ADAMTS3: variants seen among roughly 807,000 people sequenced by gnomAD.
The protein encoded by ADAMTS3 is ADAM metallopeptidase with thrombospondin type 1 motif 3.
Under a neutral mutation model 129.0 loss-of-function variants are expected in ADAMTS3, and 73 were observed. That is an observed-to-expected ratio of 0.57 (90% CI 0.47 to 0.69). The LOEUF is 0.69. Ranked by LOEUF, ADAMTS3 falls within the 30% of genes least tolerant of loss-of-function variation. The pLI is 0.00. For synonymous variants in ADAMTS3, 477 were observed against 510.8 expected (o/e 0.93, Z 0.89); for missense variants, 1,457 against 1,514.5 (o/e 0.96, Z 0.63).
chr4:72,553,862 G>A (rs947562837), intron 2 of ADAMTS3, among the ~76,000 whole-genome samples: 1 of 152,114 alleles, frequency 6.6e-6, no homozygotes, highest in Non-Finnish European at 1.5e-5. Flanking sequence ...CTCCACTTCA[G>A]CCTTTTCTGT....
intron 9 of ADAMTS3, among the ~76,000 whole-genome samples, chr4:72,319,120 G>A (rs951655558): frequency 6.6e-6 from 1 of 152,086 alleles, no homozygotes; most frequent in South Asian, 2.1e-4. Flanking sequence ...TTACATTACA[G>A]TTAAAAGTTT....
intron 3 of ADAMTS3, among the ~76,000 whole-genome samples, chr4:72,495,101 A>G (rs1719842884): frequency 6.6e-6 from 1 of 152,128 alleles, no homozygotes; most frequent in Non-Finnish European, 1.5e-5. Context: ...CCCTTACCAT[A>G]ATGATGGTGT....
chr4:72,543,142 A>T (rs1311188633), intron 3 of ADAMTS3, among the ~76,000 whole-genome samples: 1 of 152,238 alleles, frequency 6.6e-6, no homozygotes, highest in Non-Finnish European at 1.5e-5. Context: ...GCATCAAAAT[A>T]AACTTGTACT....
chr4:72,445,872 T>G (rs113273513), intron 3 of ADAMTS3, among the ~76,000 whole-genome samples: 3 of 151,824 alleles, frequency 2.0e-5, no homozygotes, highest in African/African-American at 7.2e-5. Context: ...GAAGAGAAGA[T>G]TCTAAAAACA....
intron 4 of ADAMTS3, among the ~76,000 whole-genome samples, chr4:72,376,350 C>T (rs60128631): frequency 0.025 from 3,779 of 152,190 alleles, 157 homozygotes; most frequent in African/African-American, 0.086. Flanking sequence ...TTTGGGGTTT[C>T]TTTTATAAGG....
At chr4:72,489,792 T>C (rs1719692479) in intron 3 of ADAMTS3, among the ~76,000 whole-genome samples, 1 of 151,892 alleles carries the variant, frequency 6.6e-6, no homozygotes, top group Non-Finnish European at 1.5e-5. Context: ...ATATAGTATA[T>C]ATAGGGTTCA....
chr4:72,413,713 T>C (rs1722235656), intron 4 of ADAMTS3, among the ~76,000 whole-genome samples: 1 of 151,950 alleles, frequency 6.6e-6, no homozygotes, highest in Admixed American at 6.6e-5. Flanking sequence ...AGAGGTTAAG[T>C]ACTAATCTAA....
At chr4:72,457,343 G>T (rs1718652138) in intron 3 of ADAMTS3, among the ~76,000 whole-genome samples, 1 of 151,630 alleles carries the variant, frequency 6.6e-6, no homozygotes. Flanking sequence ...TTGACTTGTA[G>T]TATAAGGGAA....
At chr4:72,465,538 C>T (rs1054107539) in intron 3 of ADAMTS3, among the ~76,000 whole-genome samples, 1 of 152,016 alleles carries the variant, frequency 6.6e-6, no homozygotes, top group Non-Finnish European at 1.5e-5. Context: ...TCTGACTGTA[C>T]TCATTCATTC....
intron 4 of ADAMTS3, among the ~76,000 whole-genome samples, chr4:72,371,396 T>A (rs562872616): frequency 1.5e-4 from 22 of 150,718 alleles, no homozygotes; most frequent in Non-Finnish European, 2.5e-4. Context: ...ATGCAAAAGA[T>A]AAAAAATGAA....
At chr4:72,526,185 C>G (rs538877385) in intron 3 of ADAMTS3, among the ~76,000 whole-genome samples, 1 of 152,270 alleles carries the variant, frequency 6.6e-6, no homozygotes, top group Non-Finnish European at 1.5e-5. Flanking sequence ...CCTGGCCCCA[C>G]CGTAACCCTG....
intron 5 of ADAMTS3, among the ~76,000 whole-genome samples, chr4:72,337,061 T>C (rs1370670716): frequency 1.3e-5 from 2 of 152,186 alleles, no homozygotes; most frequent in African/African-American, 4.8e-5. Context: ...ATCTGTGTGA[T>C]TTCCATGTCT....
At chr4:72,311,817 A>G (rs1197425291) in intron 13 of ADAMTS3, among the ~76,000 whole-genome samples, 1 of 152,178 alleles carries the variant, frequency 6.6e-6, no homozygotes, top group South Asian at 2.1e-4. Flanking sequence ...GAAGTGAAAC[A>G]TTAAAAGAAA....
At chr4:72,494,409 TTC>T (rs1426815165) in intron 3 of ADAMTS3, among the ~76,000 whole-genome samples, 2 of 152,144 alleles carry the variant, frequency 1.3e-5, no homozygotes, top group Admixed American at 6.5e-5. Context: ...GCTCCAGAAT[TTC>T]TGTTTGGTTC....
At chr4:72,351,983 G>C (rs1326651498) in intron 4 of ADAMTS3, among the ~76,000 whole-genome samples, 1 of 151,270 alleles carries the variant, frequency 6.6e-6, no homozygotes, top group Non-Finnish European at 1.5e-5. Context: ...GTAACAACAA[G>C]CAGTATGAAA....
chr4:72,349,506 G>A (rs1165923909), intron 4 of ADAMTS3, among the ~76,000 whole-genome samples: 30 of 151,964 alleles, frequency 2.0e-4, no homozygotes, highest in East Asian at 3.9e-4. Context: ...CCCATTTAAC[G>A]AGCACAGTGT....
At chr4:72,399,645 G>A (rs1223909636) in intron 4 of ADAMTS3, among the ~76,000 whole-genome samples, 2 of 151,504 alleles carry the variant, frequency 1.3e-5, no homozygotes, top group Non-Finnish European at 2.9e-5. Context: ...AATGAAATAA[G>A]TTTTCAGGAG....
At position 72,355,107 on chromosome 4, in the gene ADAMTS3, T is replaced by C. The variant is rs760333065; in HGVS notation, c.662-15414A>G. On this transcript the variant is annotated intron_variant, in intron 4 of 21. Coordinates refer to ENST00000286657, the MANE Select transcript of ADAMTS3 (RefSeq NM_014243.3). ...TCCTAGCTTTATTTTTTCTCTAGAG[T>C]AGTTAATCTTGTTATTTTTCATTAT... Among the ~76,000 whole-genome samples the C allele has an allele frequency of 1.8e-4, 27 of 151,976 alleles. No homozygotes were observed. In the Middle Eastern group the frequency reaches 0.017, roughly 96 times the overall value.
intron 3 of ADAMTS3, among the ~76,000 whole-genome samples, chr4:72,485,857 TAA>T (rs552214008): frequency 5.1e-4 from 77 of 152,286 alleles, no homozygotes; most frequent in African/African-American, 1.8e-3. Context: ...AGTGCCCTTA[TAA>T]AAGAGGCTTG....
Sources: gnomAD v4.1 joint callset for allele counts (sites outside exome capture counted in the v4.1 genomes callset) on GRCh38, gnomAD v4.1.1 for gene constraint, MANE v1.5 for transcripts, NCBI Gene and HGNC (gene_info 2026-07-23, HGNC 2026-07-21) for gene names.